Variants in CTNNA2 observed in about 807,000 individuals in gnomAD.
CTNNA2 encodes the protein catenin alpha-2.
Under a neutral mutation model 101.0 loss-of-function variants are expected in CTNNA2, and 42 were observed. The observed-to-expected ratio is 0.42, with a 90% CI of 0.32 to 0.54. The LOEUF (loss-of-function observed/expected upper bound fraction) is 0.54, where lower values mean the gene tolerates loss of function less well. CTNNA2 is among the 20% of genes least tolerant of loss of function. The probability of loss-of-function intolerance (pLI) is 0.14; values close to 1 mark genes in which losing one functional copy is unlikely to be tolerated. For synonymous variants in CTNNA2, 450 were observed against 456.4 expected (o/e 0.99, Z 0.18); for missense variants, 871 against 1,223.1 (o/e 0.71, Z 4.29).
rs1574333077 is a variant in CTNNA2 at position 79,928,040 on chromosome 2, C to T, written c.1056+18243C>T. On this transcript the variant is annotated intron_variant, in intron 7 of 18. Transcript: ENST00000402739. ...AAAGGTTGGCCTTATAGAAGATACTCATGTTTACGTTGGGTTTGTTGAATC... is the reference window on the plus strand; with the variant it reads ...AAAGGTTGGCCTTATAGAAGATACTTATGTTTACGTTGGGTTTGTTGAATC... 3.3e-5 allele frequency among the ~76,000 whole-genome samples: 5 copies of T among 152,218 alleles called. No homozygotes were observed. In the South Asian group the frequency reaches 1.0e-3, roughly 32 times the overall value.
chr2:80,574,053 C>T lies in CTNNA2; in HGVS notation c.1742-110C>T, dbSNP rs1694827184. 5.6e-6 allele frequency: 6 copies of T among 1,079,684 alleles called. No individual in the cohort carries two copies. The East Asian group carries it at 1.4e-4, about 26-fold the overall frequency. The allele number at this position is 1,079,684 out of a possible 1,614,324, so 66.9% of individuals were successfully genotyped here. ...TCAAACTGGACAGATGAGTGTCTTG[C>T]TCCACTTAACTTTTAGAATGCCCGA... On this transcript the variant is annotated intron_variant, in intron 12 of 18. Coordinates refer to ENST00000402739, the MANE Select transcript of CTNNA2 (RefSeq NM_001282597.3).
intron 3 of CTNNA2, among the ~76,000 whole-genome samples, chr2:79,363,709 T>G (rs1466786618): frequency 6.6e-6 from 1 of 152,214 alleles, no homozygotes; most frequent in African/African-American, 2.4e-5. Flanking sequence ...CTTAATGCCC[T>G]AGGGCCAAGG....
chr2:79,319,476 A>AAT (rs1263526184), intron 3 of CTNNA2, among the ~76,000 whole-genome samples: 2 of 151,964 alleles, frequency 1.3e-5, no homozygotes, highest in East Asian at 1.9e-4. Flanking sequence ...CTAAAGCCAC[A>AAT]TTTTTACTGC....
At chr2:80,088,434 G>A (rs559198378) in intron 7 of CTNNA2, among the ~76,000 whole-genome samples, 1 of 152,132 alleles carries the variant, frequency 6.6e-6, no homozygotes, top group South Asian at 2.1e-4. Context: ...GCCTAAGGCT[G>A]TCTTGTCCCT....
chr2:80,079,887 A>AAAT lies in CTNNA2; in HGVS notation c.1056+170093_1056+170095dup, dbSNP rs1414198758. Among the ~76,000 whole-genome samples the AAAT allele has an allele frequency of 1.2e-3, 166 of 136,978 alleles. 2 individuals carry two copies. The highest frequency in any genetic ancestry group is 1.6e-3 in the Non-Finnish European group (105 of 65,640). 89.9% of individuals were successfully genotyped at this position (136,978 alleles called of 152,430 possible). A position where few individuals can be genotyped will look rare whatever the true frequency, so the allele number is the denominator to read the frequency against. On this transcript the variant is annotated intron_variant, in intron 7 of 18. Coordinates refer to ENST00000402739, the MANE Select transcript of CTNNA2 (RefSeq NM_001282597.3). ...TAAAATAAAATAAAATAAAATAATA[A>AAAT]AATAAAATAAATAAAATAAAATAAA...
chr2:79,280,320 T>C (rs1675329517), intron 2 of CTNNA2, among the ~76,000 whole-genome samples: 1 of 152,032 alleles, frequency 6.6e-6, no homozygotes, highest in Non-Finnish European at 1.5e-5. Context: ...CCTAAAAACA[T>C]GTGAGGGGGA....
intron 4 of CTNNA2, among the ~76,000 whole-genome samples, chr2:79,408,496 T>C: frequency 7.2e-6 from 1 of 138,724 alleles, no homozygotes; most frequent in Non-Finnish European, 1.5e-5. Flanking sequence ...GATGTTCCCC[T>C]TTCTGTGTCC....
chr2:80,420,923 T>C (rs1043735004), intron 9 of CTNNA2, among the ~76,000 whole-genome samples: 1 of 152,174 alleles, frequency 6.6e-6, no homozygotes, highest in Non-Finnish European at 1.5e-5. Context: ...GAGCTAAAAC[T>C]AGGGTAATAC....
At chr2:79,539,438 T>C (rs1184769845) in intron 1 of CTNNA2, among the ~76,000 whole-genome samples, 1 of 152,202 alleles carries the variant, frequency 6.6e-6, no homozygotes, top group African/African-American at 2.4e-5. Context: ...GCTAAATCAC[T>C]GTAAACCTTT....
At chr2:79,200,979 A>G (rs183881390) in intron 2 of CTNNA2, among the ~76,000 whole-genome samples, 78 of 152,326 alleles carry the variant, frequency 5.1e-4, no homozygotes, top group South Asian at 1.0e-3. Context: ...CTTAGCTATG[A>G]AACTACAATG....
intron 2 of CTNNA2, among the ~76,000 whole-genome samples, chr2:79,699,831 ACG>A (rs1491132206): frequency 8.0e-5 from 6 of 75,024 alleles, no homozygotes; most frequent in Non-Finnish European, 1.6e-4. Flanking sequence ...ACACACACAC[ACG>A]TGTGTGTATA....
chr2:80,037,032 A>G (rs1239348303), intron 7 of CTNNA2, among the ~76,000 whole-genome samples: 6 of 152,168 alleles, frequency 3.9e-5, no homozygotes, highest in Non-Finnish European at 8.8e-5. Context: ...TGTCCATTGA[A>G]TTACTGTAGA....
intron 1 of CTNNA2, among the ~76,000 whole-genome samples, chr2:79,195,589 C>G (rs1455055253): frequency 6.6e-6 from 1 of 152,118 alleles, no homozygotes; most frequent in African/African-American, 2.4e-5. Context: ...GGAAACCAAC[C>G]CTGTTGTACT....
At chr2:79,483,298 T>C (rs1196100104) in intron 4 of CTNNA2, among the ~76,000 whole-genome samples, 2 of 152,352 alleles carry the variant, frequency 1.3e-5, no homozygotes, top group Admixed American at 6.5e-5. Context: ...ATTGGTTAGT[T>C]ATTACCGCAT....
At chr2:79,497,273 G>A (rs912184034) in intron 4 of CTNNA2, among the ~76,000 whole-genome samples, 2 of 152,158 alleles carry the variant, frequency 1.3e-5, no homozygotes, top group Admixed American at 6.5e-5. Context: ...GGCCCTGGGT[G>A]TCAGTTACTG....
intron 7 of CTNNA2, among the ~76,000 whole-genome samples, chr2:80,244,470 T>C (rs747831285): frequency 2.6e-5 from 4 of 152,224 alleles, no homozygotes; most frequent in Non-Finnish European, 5.9e-5. Flanking sequence ...AAGCGTTTTG[T>C]TCATGGAGCA....
intron 7 of CTNNA2, among the ~76,000 whole-genome samples, chr2:80,052,866 G>C (rs1244396339): frequency 1.3e-5 from 2 of 152,170 alleles, no homozygotes; most frequent in Admixed American, 1.3e-4. Context: ...GTCCTTATAA[G>C]TACAGATGGG....
chr2:79,519,398 G>A (rs942604632), intron 1 of CTNNA2, among the ~76,000 whole-genome samples: 2 of 151,874 alleles, frequency 1.3e-5, no homozygotes, highest in Admixed American at 1.3e-4. Flanking sequence ...CTCTCATTGA[G>A]CTAGAGATTA....
At chr2:80,168,643 A>G (rs1036454158) in intron 7 of CTNNA2, among the ~76,000 whole-genome samples, 12 of 152,154 alleles carry the variant, frequency 7.9e-5, no homozygotes, top group African/African-American at 2.9e-4. Flanking sequence ...TATGTAATTA[A>G]TAGTAGTATC....
Sources: gnomAD v4.1 joint callset for allele counts (sites outside exome capture counted in the v4.1 genomes callset) on GRCh38, gnomAD v4.1.1 for gene constraint, MANE v1.5 for transcripts, NCBI Gene and HGNC (gene_info 2026-07-23, HGNC 2026-07-21) for gene names.